ALDH5A1: variants seen among roughly 807,000 people sequenced by gnomAD.
The protein encoded by ALDH5A1 is aldehyde dehydrogenase 5 family member A1.
In ALDH5A1, 33 loss-of-function variants were observed where a neutral mutation model predicts 54.7. That is an observed-to-expected ratio of 0.60 (90% CI 0.46 to 0.81). The LOEUF is 0.81. Among genes scored for constraint, ALDH5A1 ranks in the 30% least tolerant of loss-of-function variants. The pLI is 0.00. For synonymous variants in ALDH5A1, 294 were observed against 292.7 expected (o/e 1.00, Z -0.05); for missense variants, 657 against 711.0 (o/e 0.92, Z 0.86).
Position 24,522,755 on chromosome 6 carries a change from T to C in ALDH5A1, c.1015-12T>C, listed in dbSNP as rs748456275. ...GACAGACTGTGTGGGTTTGTTTTTG[T>C]CTCCTGTCCAGACTTGTGTTTGCTC... On this transcript the variant is annotated splice_polypyrimidine_tract_variant and intron_variant, in intron 6 of 9. Coordinates refer to ENST00000357578, the MANE Select transcript of ALDH5A1 (RefSeq NM_001080.3). The C allele has an allele frequency of 1.2e-4, 187 of 1,613,428 alleles. No homozygotes were observed. Among genetic ancestry groups the C allele is most frequent in the Non-Finnish European group, 1.4e-4 (164 of 1,179,752 alleles).
At chr6:24,526,916 TCTATATATATCTA>T in intron 7 of ALDH5A1, among the ~76,000 whole-genome samples, 1 of 123,516 alleles carries the variant, frequency 8.1e-6, no homozygotes, top group African/African-American at 3.4e-5. Context: ...ATATATATAT[TCTATATATATCTA>T]CTATATATTC....
At chr6:24,515,630 G>A (rs1759556303) in intron 5 of ALDH5A1, among the ~76,000 whole-genome samples, 1 of 152,202 alleles carries the variant, frequency 6.6e-6, no homozygotes, top group Non-Finnish European at 1.5e-5. Flanking sequence ...ACTGAGGCAT[G>A]AGAATCACTT....
chr6:24,530,144 G>A (rs111915925), intron 8 of ALDH5A1, among the ~76,000 whole-genome samples: 17 of 151,578 alleles, frequency 1.1e-4, no homozygotes, highest in African/African-American at 3.6e-4. Flanking sequence ...CTTCATTCCT[G>A]ATTCATTCCT....
chr6:24,530,047 A>G (rs1000178666), intron 8 of ALDH5A1, among the ~76,000 whole-genome samples: 1 of 151,800 alleles, frequency 6.6e-6, no homozygotes, highest in African/African-American at 2.4e-5. Flanking sequence ...TCTTCCTTTC[A>G]TTTATGCTTT....
At chr6:24,499,990 G>GTT (rs781743917) in intron 1 of ALDH5A1, among the ~76,000 whole-genome samples, 1 of 152,022 alleles carries the variant, frequency 6.6e-6, no homozygotes, top group Non-Finnish European at 1.5e-5. Flanking sequence ...GTGTGTGTGT[G>GTT]TAGAGACAGA....
intron 1 of ALDH5A1, among the ~76,000 whole-genome samples, chr6:24,497,538 G>T (rs1111014): frequency 2.6e-5 from 4 of 151,822 alleles, no homozygotes; most frequent in East Asian, 3.9e-4. Flanking sequence ...ACAGGGCGCT[G>T]GTTGGTGCAT....
At chr6:24,522,707 C>T in intron 6 of ALDH5A1, 60 bp from the exon 7 acceptor site, 2 of 1,595,872 alleles carry the variant, frequency 1.3e-6, no homozygotes, top group Admixed American at 3.3e-5. Flanking sequence ...GCCACACGTT[C>T]ACTGGTCAGG....
At chr6:24,512,932 C>G (rs955957200) in intron 4 of ALDH5A1, among the ~76,000 whole-genome samples, 2 of 152,142 alleles carry the variant, frequency 1.3e-5, no homozygotes, top group Non-Finnish European at 2.9e-5. Flanking sequence ...TCAAGTGATC[C>G]ACCCACCTTG....
chr6:24,503,991 T>C (rs892674747), intron 3 of ALDH5A1, among the ~76,000 whole-genome samples: 1 of 152,198 alleles, frequency 6.6e-6, no homozygotes, highest in Non-Finnish European at 1.5e-5. Flanking sequence ...TCCTGCCTTC[T>C]ACTAGGTCCC....
In ALDH5A1 at chr6:24,495,252, G is replaced by A; in HGVS notation, c.256G>A (p.Ala86Thr). 1.3e-6 allele frequency: 2 copies of A among 1,528,940 alleles called. No homozygotes were observed. Among genetic ancestry groups the A allele is most frequent in the Non-Finnish European group, 8.7e-7 (1 of 1,144,588 alleles). 94.7% of individuals were successfully genotyped at this position (1,528,940 alleles called of 1,614,324 possible). Reference sequence around the variant, plus strand: ...CGTGCAAGACCCGGCCAGCGGCGCCGCTCTGGGCATGGTAGCCGACTGCGG... The same window carrying A: ...CGTGCAAGACCCGGCCAGCGGCGCCACTCTGGGCATGGTAGCCGACTGCGG... ...FPVQDPASGA[A>T]LGMVADCGVR... The change falls in exon 1 of 10, where the codon GCT (alanine) becomes ACT (threonine). Residue 86 changes from alanine (A) to threonine (T), a missense_variant. Ala to Thr is a moderately conservative substitution (Grantham distance 58, BLOSUM62 0). Around this residue, in one of 2 missense-constraint regions of ALDH5A1, gnomAD observed 232 missense variants for 194.6 expected, o/e 1.19. Coordinates refer to ENST00000357578, the MANE Select transcript of ALDH5A1 (RefSeq NM_001080.3).
Position 24,495,285 on chromosome 6 carries a change from G to A in ALDH5A1, c.289G>A (p.Glu97Lys). The A allele has an allele frequency of 6.5e-7, 1 of 1,533,062 alleles. No homozygotes were observed. The highest frequency in any genetic ancestry group is 1.2e-5 in the South Asian group (1 of 83,930). 95.0% of individuals were successfully genotyped at this position (1,533,062 alleles called of 1,614,324 possible). A position where few individuals can be genotyped will look rare whatever the true frequency, so the allele number is the denominator to read the frequency against. ...LGMVADCGVR[E>K]ARAAVRAAYE... ...CATGGTAGCCGACTGCGGGGTGCGAGAGGCCCGCGCCGCCGTGCGCGCTGC... is the reference window on the plus strand; with the variant it reads ...CATGGTAGCCGACTGCGGGGTGCGAAAGGCCCGCGCCGCCGTGCGCGCTGC... Residue 97 changes from glutamate to lysine, a missense_variant, in exon 1 of 10, where the codon GAG becomes AAG. Coordinates refer to ENST00000357578, the MANE Select transcript of ALDH5A1 (RefSeq NM_001080.3).
intron 8 of ALDH5A1, among the ~76,000 whole-genome samples, chr6:24,529,826 C>G (rs1759894894): frequency 6.6e-6 from 1 of 151,818 alleles, no homozygotes. Context: ...CGCCCGCCAC[C>G]AGGCCCTGCT....
At position 24,536,250 on chromosome 6, in the gene ALDH5A1, A is replaced by G. The variant is rs1004777176; in HGVS notation, c.*2538A>G. On this transcript the variant is annotated 3_prime_UTR_variant, in exon 10 of 10. Transcript: ENST00000357578. ...CAAACCTGGCCTGCCACCTGTTTTT[A>G]TACAACCTGTGAGCTAAGAATGGTT... 16 of 152,344 alleles carry G rather than the reference A, an allele frequency of 1.1e-4. No individual in the cohort carries two copies. Among genetic ancestry groups the G allele is most frequent in the African/African-American group, 3.4e-4 (14 of 41,586 alleles). 9.4% of individuals were successfully genotyped at this position (152,344 alleles called of 1,614,324 possible). A position where few individuals can be genotyped will look rare whatever the true frequency, so the allele number is the denominator to read the frequency against.
chr6:24,533,498 C>T lies in ALDH5A1; in HGVS notation c.1403-9C>T. ...TAAATGCCATATATGTCCTTTTATC[C>T]TGTGACAGGTTATTTTTACTCTCAA... is the stretch of plus-strand genomic sequence containing the variant. On this transcript the variant is annotated splice_polypyrimidine_tract_variant and intron_variant, in intron 9 of 9. Coordinates refer to ENST00000357578, the MANE Select transcript of ALDH5A1 (RefSeq NM_001080.3). 3 of 1,613,810 alleles carry T rather than the reference C, an allele frequency of 1.9e-6. No individual in the cohort carries two copies. The highest frequency in any genetic ancestry group is 2.5e-6 in the Non-Finnish European group (3 of 1,179,754).
In ALDH5A1 at chr6:24,532,228, C is replaced by T. The variant is rs112617260; in HGVS notation, c.1402+51C>T. 36 of 1,575,156 alleles carry T rather than the reference C, an allele frequency of 2.3e-5. 1 individual carries two copies. The African/African-American group carries it at 4.0e-4, about 18-fold the overall frequency. On this transcript the variant is annotated intron_variant, in intron 9 of 9. Coordinates refer to ENST00000357578, the MANE Select transcript of ALDH5A1 (RefSeq NM_001080.3). ...CAGTCATAATCATTTTTCTCCAGCT[C>T]ATGCCAGATTTACCCTTTTAAACAT...
intron 5 of ALDH5A1, among the ~76,000 whole-genome samples, chr6:24,519,627 G>A (rs1189562408): frequency 6.6e-6 from 1 of 152,060 alleles, no homozygotes; most frequent in Non-Finnish European, 1.5e-5. Context: ...CTTCACATTA[G>A]AGTGTTACAT....
At chr6:24,500,264 C>G (rs1379280906) in intron 1 of ALDH5A1, among the ~76,000 whole-genome samples, 1 of 152,048 alleles carries the variant, frequency 6.6e-6, no homozygotes, top group Non-Finnish European at 1.5e-5. Context: ...TGTTGTTGTG[C>G]CTGGGCCCTC....
chr6:24,533,717 C>G lies in ALDH5A1; in HGVS notation c.*5C>G. Reference sequence around the variant, plus strand: ...GTGTGTTACGGGGGCTTGTAGGATTCTTTGGTTCTTTAAAAAAATTTAAAA... The same window carrying G: ...GTGTGTTACGGGGGCTTGTAGGATTGTTTGGTTCTTTAAAAAAATTTAAAA... On this transcript the variant is annotated 3_prime_UTR_variant, in exon 10 of 10. Transcript: ENST00000357578. 1 of 1,613,528 alleles carries G rather than the reference C, an allele frequency of 6.2e-7. No homozygotes were observed. The highest frequency in any genetic ancestry group is 1.7e-5 in the Admixed American group (1 of 60,000).
rs1300715409 is a variant in ALDH5A1, at chr6:24,522,938, T to C, written c.1173+13T>C. 1.9e-6 allele frequency: 3 copies of C among 1,612,286 alleles called. No individual in the cohort carries two copies. Among genetic ancestry groups the C allele is most frequent in the Middle Eastern group, 1.6e-4 (1 of 6,082 alleles). On this transcript the variant is annotated intron_variant, in intron 7 of 9. Coordinates refer to ENST00000357578, the MANE Select transcript of ALDH5A1 (RefSeq NM_001080.3). ...AGCGGTAGAAAAGGTAAGTATATTG[T>C]ATTATTTGTGAAAGTAAATTTCATG...
Sources: gnomAD v4.1 joint callset for allele counts (sites outside exome capture counted in the v4.1 genomes callset) on GRCh38, gnomAD v4.1.1 for gene constraint, gnomAD v4.1.1 regional missense constraint, MANE v1.5 for transcripts, NCBI Gene and HGNC (gene_info 2026-07-23, HGNC 2026-07-21) for gene names.